Variants in STYX observed in about 807,000 individuals in gnomAD.
The protein encoded by STYX is serine/threonine/tyrosine interacting protein.
In STYX, 20 loss-of-function variants were observed where a neutral mutation model predicts 42.7. That is an observed-to-expected ratio of 0.47 (90% CI 0.33 to 0.68). The LOEUF (loss-of-function observed/expected upper bound fraction) is 0.68. Ranked by LOEUF, STYX falls within the 30% of genes least tolerant of loss-of-function variation. STYX has a pLI of 0.02. For missense variants in STYX, 226 were observed against 268.5 expected (o/e 0.84, Z 1.11); for synonymous variants, 78 against 81.9 (o/e 0.95, Z 0.26).
At chr14:52,768,553 GTTT>G (rs566111671) in intron 9 of STYX, among the ~76,000 whole-genome samples, 1 of 152,078 alleles carries the variant, frequency 6.6e-6, no homozygotes, top group Non-Finnish European at 1.5e-5. Flanking sequence ...GTTTTTTGGG[GTTT>G]TTTTAAACAG....
rs1325733272 is a variant in STYX, at chr14:52,772,181, C to T, written c.*1075C>T. 1 of 151,922 alleles carries T rather than the reference C, an allele frequency of 6.6e-6. No individual in the cohort carries two copies. The highest frequency in any genetic ancestry group is 2.4e-5 in the African/African-American group (1 of 41,370). 9.4% of individuals were successfully genotyped at this position (151,922 alleles called of 1,614,324 possible). ...CATAAATTAGTTTAAACTGAAAGTA[C>T]GAGGCTGGAAGAAATATTAGTAAAT... On this transcript the variant is annotated 3_prime_UTR_variant, in exon 11 of 11. Transcript: ENST00000354586.
intron 9 of STYX, among the ~76,000 whole-genome samples, chr14:52,766,728 C>G (rs1170685442): frequency 6.6e-6 from 1 of 152,134 alleles, no homozygotes; most frequent in Non-Finnish European, 1.5e-5. Flanking sequence ...TGTATTTACC[C>G]TTTTGGTTGT....
chr14:52,734,298 C>G (rs1476364141), intron 1 of STYX, among the ~76,000 whole-genome samples: 2 of 152,288 alleles, frequency 1.3e-5, no homozygotes, highest in Non-Finnish European at 1.5e-5. Context: ...TTCCCTGCCT[C>G]CAGACCCTAT....
At chr14:52,736,451 A>G (rs974449325) in intron 1 of STYX, among the ~76,000 whole-genome samples, 3 of 152,164 alleles carry the variant, frequency 2.0e-5, no homozygotes, top group African/African-American at 4.8e-5. Context: ...TTTTTAAGCA[A>G]ATTGGTTGTA....
Position 52,758,945 on chromosome 14 carries a change from A to G in STYX, c.432-737A>G, listed in dbSNP as rs571661734. ...ACTTTATGTTTTATATATTGTTTTT[A>G]TTATTTCGAATTTTGTCAGACCATT... is the stretch of plus-strand genomic sequence containing the variant. On this transcript the variant is annotated intron_variant, in intron 8 of 10. Coordinates refer to ENST00000354586, the MANE Select transcript of STYX (RefSeq NM_145251.4). 9.9e-5 allele frequency among the ~76,000 whole-genome samples: 15 copies of G among 152,240 alleles called. No individual in the cohort carries two copies. In the South Asian group the frequency reaches 2.9e-3, roughly 29 times the overall value.
chr14:52,763,045 C>T (rs902285514), intron 9 of STYX, among the ~76,000 whole-genome samples: 3 of 151,764 alleles, frequency 2.0e-5, no homozygotes, highest in Non-Finnish European at 4.4e-5. Context: ...AGGTGCCTGC[C>T]ACCACAACTG....
intron 1 of STYX, among the ~76,000 whole-genome samples, chr14:52,743,885 G>T (rs555529597): frequency 6.6e-6 from 1 of 152,246 alleles, no homozygotes; most frequent in South Asian, 2.1e-4. Flanking sequence ...GTGGTGGGGT[G>T]ATCTCAGCTC....
At chr14:52,732,860 G>T (rs1025088173) in intron 1 of STYX, among the ~76,000 whole-genome samples, 9 of 151,628 alleles carry the variant, frequency 5.9e-5, no homozygotes, top group Non-Finnish European at 1.3e-4. Context: ...TAGTAGAGAC[G>T]GGGTTTCACC....
intron 3 of STYX, 69 bp from the exon 4 acceptor site, chr14:52,750,614 G>A (rs1881573292): frequency 7.0e-6 from 7 of 1,006,932 alleles, no homozygotes; most frequent in South Asian, 1.5e-5. Context: ...GTGTTATATA[G>A]TAAGATGATG....
chr14:52,734,033 C>G (rs575732962), intron 1 of STYX, among the ~76,000 whole-genome samples: 2 of 152,214 alleles, frequency 1.3e-5, no homozygotes, highest in African/African-American at 4.8e-5. Flanking sequence ...GGTTGCCAGA[C>G]CCACCCCCAC....
intron 2 of STYX, 40 bp from the exon 3 acceptor site, chr14:52,746,386 A>C (rs1881398010): frequency 6.7e-7 from 1 of 1,488,112 alleles, no homozygotes; most frequent in South Asian, 1.2e-5. Context: ...TATAGATTTA[A>C]ATTGCTGATG....
intron 3 of STYX, among the ~76,000 whole-genome samples, chr14:52,747,722 T>A (rs1417359834): frequency 6.6e-6 from 1 of 152,224 alleles, no homozygotes; most frequent in Non-Finnish European, 1.5e-5. Flanking sequence ...TAAATTAAAG[T>A]ATTTGTTTAA....
At chr14:52,769,180 G>A (rs546498846) in intron 10 of STYX, among the ~76,000 whole-genome samples, 4 of 152,134 alleles carry the variant, frequency 2.6e-5, no homozygotes, top group African/African-American at 4.8e-5. Context: ...CCCTAAACAC[G>A]CTTAGGTGAT....
chr14:52,768,673 C>T (rs1594884433), intron 9 of STYX, among the ~76,000 whole-genome samples, 167 bp from the exon 10 acceptor site: 1 of 151,970 alleles, frequency 6.6e-6, no homozygotes, highest in South Asian at 2.1e-4. Context: ...ATCAGTAGTT[C>T]TGAATTTATG....
chr14:52,764,520 G>A (rs1882222935), intron 9 of STYX, among the ~76,000 whole-genome samples: 1 of 152,028 alleles, frequency 6.6e-6, no homozygotes, highest in South Asian at 2.1e-4. Flanking sequence ...TACTGAAAAT[G>A]ACAGATACAA....
rs1191936001 is a variant in STYX, at chr14:52,746,369, A to G, written c.91-57A>G. On this transcript the variant is annotated intron_variant, in intron 2 of 10. Transcript: ENST00000354586. ...GCCAAATAAGGTTTGTCTTATTTAT[A>G]TAGCCTTATAGATTTAAATTGCTGA... 16 of 1,332,930 alleles carry G rather than the reference A, an allele frequency of 1.2e-5. No individual in the cohort carries two copies. The Admixed American group carries it at 1.7e-4, about 14-fold the overall frequency. The allele number at this position is 1,332,930 out of a possible 1,614,324, so 82.6% of individuals were successfully genotyped here. A position where few individuals can be genotyped will look rare whatever the true frequency, so the allele number is the denominator to read the frequency against.
chr14:52,768,395 T>C (rs769949663), intron 9 of STYX, among the ~76,000 whole-genome samples: 27 of 152,188 alleles, frequency 1.8e-4, no homozygotes, highest in Non-Finnish European at 3.8e-4. Context: ...TTTCCCCTCA[T>C]TCTTCTCATT....
chr14:52,753,824 T>A (rs1389647217), intron 4 of STYX, among the ~76,000 whole-genome samples: 1 of 151,788 alleles, frequency 6.6e-6, no homozygotes, highest in Non-Finnish European at 1.5e-5. Flanking sequence ...ACTTTTGTAG[T>A]GTTTTTTTTT....
chr14:52,764,980 A>G (rs1213726338), intron 9 of STYX, among the ~76,000 whole-genome samples: 1 of 152,036 alleles, frequency 6.6e-6, no homozygotes, highest in Non-Finnish European at 1.5e-5. Flanking sequence ...TTAATCCTAC[A>G]TTTAAATAGG....
Sources: gnomAD v4.1 joint callset for allele counts (sites outside exome capture counted in the v4.1 genomes callset) on GRCh38, gnomAD v4.1.1 for gene constraint, MANE v1.5 for transcripts, NCBI Gene and HGNC (gene_info 2026-07-23, HGNC 2026-07-21) for gene names.